Variants in FAM193A observed in about 807,000 individuals in gnomAD.
FAM193A encodes the protein family with sequence similarity 193 member A.
FAM193A carries 22 observed loss-of-function variants against 126.5 expected under a neutral mutation model. The observed-to-expected ratio is 0.17, with a 90% CI of 0.12 to 0.25. The LOEUF (loss-of-function observed/expected upper bound fraction) is 0.25, where lower values mean the gene tolerates loss of function less well. FAM193A is among the 10% of genes least tolerant of loss of function. The pLI, the probability that FAM193A is intolerant of heterozygous loss-of-function variation, is 1.00. For missense variants in FAM193A, 1,675 were observed against 1,672.8 expected, an observed-to-expected ratio of 1.00 and a Z score of -0.02; for synonymous variants, 761 against 646.8, an observed-to-expected ratio of 1.18 and a Z score of -2.68.
chr4:2,623,739 T>A (rs1742698789), intron 2 of FAM193A, among the ~76,000 whole-genome samples: 1 of 152,194 alleles, frequency 6.6e-6, no homozygotes, highest in African/African-American at 2.4e-5. Flanking sequence ...TCTCAGTGGC[T>A]TCATGCTTGA....
chr4:2,624,041 C>T (rs1742725267), intron 2 of FAM193A, among the ~76,000 whole-genome samples: 1 of 152,236 alleles, frequency 6.6e-6, no homozygotes, highest in South Asian at 2.1e-4. Flanking sequence ...CTCAGGGCCT[C>T]TTCTAGAAGG....
intron 14 of FAM193A, 25 bp downstream of exon 14, chr4:2,689,729 T>C: frequency 6.5e-7 from 1 of 1,529,582 alleles, no homozygotes; most frequent in Non-Finnish European, 8.9e-7. Context: ...AAAACTTTCT[T>C]GAAGTTTTAA....
chr4:2,560,189 C>T (rs572994680), intron 1 of FAM193A, among the ~76,000 whole-genome samples: 3 of 152,196 alleles, frequency 2.0e-5, no homozygotes, highest in East Asian at 1.9e-4. Flanking sequence ...GTGATCCACC[C>T]GCCTCGGCCT....
At chr4:2,561,241 C>T (rs776775065) in intron 1 of FAM193A, among the ~76,000 whole-genome samples, 2 of 152,058 alleles carry the variant, frequency 1.3e-5, no homozygotes, top group South Asian at 2.1e-4. Flanking sequence ...AGTGCAGTGG[C>T]GCAGTCTCAG....
At chr4:2,615,964 A>G (rs1364667892) in intron 2 of FAM193A, among the ~76,000 whole-genome samples, 1 of 152,108 alleles carries the variant, frequency 6.6e-6, no homozygotes, top group Admixed American at 6.6e-5. Context: ...CATGCACGCC[A>G]CCATGCCCGG....
At chr4:2,562,485 C>G (rs544153586) in intron 1 of FAM193A, among the ~76,000 whole-genome samples, 41 of 152,204 alleles carry the variant, frequency 2.7e-4, no homozygotes, top group African/African-American at 9.2e-4. Flanking sequence ...GCTCTTCACC[C>G]CTTTCAAGAG....
At chr4:2,619,834 G>A (rs1462494853) in intron 2 of FAM193A, among the ~76,000 whole-genome samples, 1 of 152,092 alleles carries the variant, frequency 6.6e-6, no homozygotes, top group East Asian at 1.9e-4. Context: ...GGGATTGCAG[G>A]CTTGTGCCTC....
intron 1 of FAM193A, among the ~76,000 whole-genome samples, chr4:2,586,575 TG>T (rs1740253079): frequency 6.6e-6 from 1 of 152,200 alleles, no homozygotes; most frequent in Non-Finnish European, 1.5e-5. Flanking sequence ...TTAGTGTCCG[TG>T]TATCATACCT....
chr4:2,570,722 T>C (rs550701207), intron 1 of FAM193A, among the ~76,000 whole-genome samples: 2 of 152,254 alleles, frequency 1.3e-5, no homozygotes, highest in South Asian at 4.1e-4. Flanking sequence ...AGTTACCCCA[T>C]GGGTACAGGC....
chr4:2,652,023 G>A (rs1745720420), intron 7 of FAM193A, among the ~76,000 whole-genome samples: 1 of 152,184 alleles, frequency 6.6e-6, no homozygotes, highest in Non-Finnish European at 1.5e-5. Flanking sequence ...GAGGTATTTG[G>A]ACTAGGTGAC....
intron 1 of FAM193A, among the ~76,000 whole-genome samples, chr4:2,553,630 T>G (rs193050876): frequency 2.0e-5 from 3 of 152,096 alleles, no homozygotes; most frequent in Admixed American, 2.0e-4. Flanking sequence ...CTGCCCGCCT[T>G]GGCCTTCCAA....
chr4:2,556,536 G>T (rs1738272625), intron 1 of FAM193A, among the ~76,000 whole-genome samples: 2 of 152,156 alleles, frequency 1.3e-5, no homozygotes, highest in Non-Finnish European at 2.9e-5. Context: ...AAAGAAGGGA[G>T]TCAGGTGTGG....
chr4:2,633,282 C>T (rs1032104425), intron 5 of FAM193A, among the ~76,000 whole-genome samples: 15 of 151,786 alleles, frequency 9.9e-5, no homozygotes, highest in African/African-American at 2.7e-4. Flanking sequence ...GCCTGTAGTC[C>T]CAGCTACTCG....
At chr4:2,619,795 A>G (rs1250070373) in intron 2 of FAM193A, among the ~76,000 whole-genome samples, 1 of 151,986 alleles carries the variant, frequency 6.6e-6, no homozygotes, top group Admixed American at 6.6e-5. Context: ...GGTTCAAACA[A>G]TTCTCCTGCC....
At chr4:2,726,936 G>A (rs2109426964) in intron 20 of FAM193A, among the ~76,000 whole-genome samples, 1 of 123,314 alleles carries the variant, frequency 8.1e-6, no homozygotes, top group East Asian at 2.3e-4. Context: ...GGCAACAAGA[G>A]CAAAACTCCG....
chr4:2,711,756 G>A (rs1178733896), intron 19 of FAM193A, among the ~76,000 whole-genome samples: 1 of 151,786 alleles, frequency 6.6e-6, no homozygotes, highest in Non-Finnish European at 1.5e-5. Flanking sequence ...CGGAAACCCT[G>A]TATCTACTAA....
chr4:2,700,521 G>A lies in FAM193A; in HGVS notation c.4349G>A (p.Gly1450Glu). ...GKNKKNKKKK[G>E]DRVNNSIDDV... ...AACAAGAAAAATAAGAAGAAGAAAGGAGACAGAGTCAACAATTCAATTGGT... is the reference window on the plus strand; with the variant it reads ...AACAAGAAAAATAAGAAGAAGAAAGAAGACAGAGTCAACAATTCAATTGGT... Residue 1450 changes from glycine to glutamate, a missense_variant, in exon 19 of 21, where the codon GGA (glycine) becomes GAA (glutamate). Physicochemically the swap from Gly to Glu is moderately conservative, Grantham distance 98. This residue lies in a region of FAM193A where 415 missense variants were observed against 396.7 expected (regional missense o/e 1.05). Transcript: ENST00000637812. 1 of 1,611,696 alleles carries A rather than the reference G, an allele frequency of 6.2e-7. No homozygotes were observed. The highest frequency in any genetic ancestry group is 8.5e-7 in the Non-Finnish European group (1 of 1,179,362).
At position 2,700,053 on chromosome 4, in the gene FAM193A, G is replaced by A. The variant is rs1368107814; in HGVS notation, c.3881G>A (p.Gly1294Glu). ...CCCAGGCCAGGGCTAGGGGCTGATG[G>A]GGATGCTGCAGACCCCGTCGACACC... is the stretch of plus-strand genomic sequence containing the variant. ...SEPRPGLGADGDAADPVDTRD... is the reference protein window; with the variant it reads ...SEPRPGLGADEDAADPVDTRD... Residue 1294 changes from glycine to glutamate, a missense_variant, in exon 19 of 21, where the codon GGG becomes GAG. By Grantham distance (98) the Gly-to-Glu change is moderately conservative. This residue lies in a region of FAM193A where 415 missense variants were observed against 396.7 expected (regional missense o/e 1.05). Coordinates refer to ENST00000637812, the MANE Select transcript of FAM193A (RefSeq NM_001366318.2). 6.2e-7 allele frequency: 1 copy of A among 1,613,936 alleles called. No homozygotes were observed. Among genetic ancestry groups the A allele is most frequent in the Non-Finnish European group, 8.5e-7 (1 of 1,180,002 alleles).
At chr4:2,665,654 G>A (rs142321145) in intron 12 of FAM193A, among the ~76,000 whole-genome samples, 1 of 152,132 alleles carries the variant, frequency 6.6e-6, no homozygotes, top group Admixed American at 6.6e-5. Flanking sequence ...GACTACAGGT[G>A]TATTACAACT....
Sources: allele counts gnomAD v4.1 joint callset (sites outside exome capture counted in the v4.1 genomes callset), GRCh38; gene constraint gnomAD v4.1.1; regional missense constraint gnomAD v4.1.1; transcripts MANE v1.5; gene names NCBI Gene and HGNC (gene_info 2026-07-23, HGNC 2026-07-21).